The following DLGAP1 variants were observed in gnomAD, a reference collection of about 807,000 sequenced individuals.
DLGAP1 encodes DLG associated protein 1, also known as disks large-associated protein 1.
In DLGAP1, 11 loss-of-function variants were observed where a neutral mutation model predicts 90.8. That is an observed-to-expected ratio of 0.12 (90% CI 0.08 to 0.20). The LOEUF is 0.20. Ranked by LOEUF, DLGAP1 falls within the 10% of genes least tolerant of loss-of-function variation. The probability of loss-of-function intolerance (pLI) is 1.00; values close to 1 mark genes in which losing one functional copy is unlikely to be tolerated. For missense variants in DLGAP1, 1,050 were observed against 1,333.8 expected, an observed-to-expected ratio of 0.79 and a Z score of 3.31; for synonymous variants, 558 against 540.7, an observed-to-expected ratio of 1.03 and a Z score of -0.44.
chr18:3,963,734 G>T (rs2148989921), intron 3 of DLGAP1, among the ~76,000 whole-genome samples: 1 of 152,004 alleles, frequency 6.6e-6, no homozygotes, highest in East Asian at 1.9e-4. Flanking sequence ...CCTCACCAAG[G>T]CTGTAGGTGT....
intron 3 of DLGAP1, among the ~76,000 whole-genome samples, chr18:3,981,472 G>T (rs1026014373): frequency 6.6e-6 from 1 of 152,206 alleles, no homozygotes; most frequent in Non-Finnish European, 1.5e-5. Context: ...TGAGGTGAGG[G>T]AGTTAAAAGG....
chr18:4,172,748 G>T (rs72858761), intron 1 of DLGAP1, among the ~76,000 whole-genome samples: 1 of 152,182 alleles, frequency 6.6e-6, no homozygotes, highest in Non-Finnish European at 1.5e-5. Flanking sequence ...AAAATTAGAA[G>T]AAATATTCTT....
rs549143625 is a variant in DLGAP1, at chr18:3,703,591, C to T, written c.1591+25544G>A. Among the ~76,000 whole-genome samples the T allele has an allele frequency of 2.0e-3, 311 of 152,250 alleles. 1 individual carries two copies. Among genetic ancestry groups the T allele is most frequent in the South Asian group, 9.1e-3 (44 of 4,826 alleles). ...TGTCCACTTGTTTCTTTTTAGAAGACGGAGGGATATTTGAAAGTTCACTAG... is the reference window on the plus strand; with the variant it reads ...TGTCCACTTGTTTCTTTTTAGAAGATGGAGGGATATTTGAAAGTTCACTAG... On this transcript the variant is annotated intron_variant, in intron 7 of 12. Transcript: ENST00000315677.
chr18:3,582,713 G>T (rs2055594551), intron 7 of DLGAP1, among the ~76,000 whole-genome samples: 1 of 152,168 alleles, frequency 6.6e-6, no homozygotes, highest in South Asian at 2.1e-4. Flanking sequence ...GGAAGGCAAA[G>T]AGGTTGTGAG....
chr18:3,523,380 G>GA (rs536619595), intron 10 of DLGAP1, among the ~76,000 whole-genome samples: 50 of 131,906 alleles, frequency 3.8e-4, no homozygotes, highest in African/African-American at 6.0e-4. Context: ...CCATCTCAAA[G>GA]AAAAAAAAAA....
chr18:3,834,793 T>C (rs759638546), intron 4 of DLGAP1, among the ~76,000 whole-genome samples: 7 of 152,230 alleles, frequency 4.6e-5, no homozygotes, highest in African/African-American at 1.7e-4. Flanking sequence ...AATTAGCATA[T>C]GTAACTTTTA....
intron 3 of DLGAP1, among the ~76,000 whole-genome samples, chr18:3,890,650 T>G (rs541100969): frequency 6.6e-6 from 1 of 152,370 alleles, no homozygotes; most frequent in African/African-American, 2.4e-5. Flanking sequence ...CAGTCAACTT[T>G]CTGAAATATT....
chr18:3,969,277 A>T (rs2073394639), intron 3 of DLGAP1, among the ~76,000 whole-genome samples: 1 of 152,284 alleles, frequency 6.6e-6, no homozygotes, highest in Non-Finnish European at 1.5e-5. Flanking sequence ...GTCAATCAAC[A>T]CACCAATAAT....
intron 1 of DLGAP1, among the ~76,000 whole-genome samples, chr18:4,445,472 A>C: frequency 9.4e-6 from 1 of 106,476 alleles, no homozygotes; most frequent in Non-Finnish European, 1.8e-5. Flanking sequence ...CACAGTCCCC[A>C]GAGTATGATA....
At chr18:4,156,543 AT>A (rs1232066066) in intron 1 of DLGAP1, among the ~76,000 whole-genome samples, 7 of 152,128 alleles carry the variant, frequency 4.6e-5, no homozygotes, top group Admixed American at 6.6e-5. Context: ...CATACTTTAC[AT>A]TTTGGCAGTC....
chr18:3,734,268 TA>T (rs2062556463), intron 6 of DLGAP1, among the ~76,000 whole-genome samples: 1 of 152,050 alleles, frequency 6.6e-6, no homozygotes, highest in African/African-American at 2.4e-5. Flanking sequence ...TCTCTCTCTC[TA>T]AGAGATAGGG....
At chr18:3,507,736 G>GTTTTTT (rs386386884) in intron 11 of DLGAP1, among the ~76,000 whole-genome samples, 18 of 89,948 alleles carry the variant, frequency 2.0e-4, no homozygotes, top group South Asian at 4.5e-4. Context: ...ATTCTTGAAG[G>GTTTTTT]TTTTTTTTTT....
chr18:3,907,184 C>T (rs1333878291), intron 3 of DLGAP1, among the ~76,000 whole-genome samples: 6 of 152,086 alleles, frequency 3.9e-5, no homozygotes, highest in Non-Finnish European at 7.4e-5. Context: ...CCCCCCAAAT[C>T]GGGTGACTGC....
At position 4,378,243 on chromosome 18, in the gene DLGAP1, T is replaced by TA. The variant is rs1567873477; in HGVS notation, c.-267+76762dup. Reference sequence around the variant, plus strand: ...TGGAATGGGGAAGCCAGGAAAGAGGTAAGAATAAAAGTCTTCGCATTTTAC... The same window carrying TA: ...TGGAATGGGGAAGCCAGGAAAGAGGTAAAGAATAAAAGTCTTCGCATTTTAC... On this transcript the variant is annotated intron_variant, in intron 1 of 12. Coordinates refer to ENST00000315677, the MANE Select transcript of DLGAP1 (RefSeq NM_004746.4). The surrounding 1 kb of genome is among the most constrained non-coding windows in gnomAD (Gnocchi z 4.5). Among the ~76,000 whole-genome samples the TA allele has an allele frequency of 1.3e-5, 2 of 151,558 alleles. No homozygotes were observed. Among genetic ancestry groups the TA allele is most frequent in the Non-Finnish European group, 2.9e-5 (2 of 67,876 alleles).
At chr18:4,129,215 A>G (rs2076277142) in intron 2 of DLGAP1, among the ~76,000 whole-genome samples, 1 of 152,198 alleles carries the variant, frequency 6.6e-6, no homozygotes, top group Admixed American at 6.5e-5. Context: ...TAAATTCCAC[A>G]GAGAGAAAAA....
chr18:3,838,759 C>T (rs552678188), intron 4 of DLGAP1, among the ~76,000 whole-genome samples: 26 of 152,248 alleles, frequency 1.7e-4, no homozygotes, highest in African/African-American at 6.3e-4. Flanking sequence ...TTAAACATGA[C>T]ACATTTATCT....
intron 5 of DLGAP1, among the ~76,000 whole-genome samples, chr18:3,803,427 C>T (rs775526295): frequency 2.6e-5 from 4 of 152,218 alleles, no homozygotes; most frequent in South Asian, 2.1e-4. Context: ...GGCACTTGTA[C>T]CCACAGCAGT....
At chr18:4,394,657 T>C (rs566742266) in intron 1 of DLGAP1, among the ~76,000 whole-genome samples, 1 of 152,328 alleles carries the variant, frequency 6.6e-6, no homozygotes. Flanking sequence ...TGTTAAAATA[T>C]ATCTTCTTTG....
chr18:3,617,666 G>T (rs950129887), intron 7 of DLGAP1, among the ~76,000 whole-genome samples: 4 of 151,762 alleles, frequency 2.6e-5, no homozygotes, highest in Non-Finnish European at 5.9e-5. Context: ...GAAAAATGGT[G>T]TTGATAGACT....
Sources: gnomAD v4.1 joint callset for allele counts (sites outside exome capture counted in the v4.1 genomes callset) on GRCh38, gnomAD v4.1.1 for gene constraint, Gnocchi (gnomAD v3.1) non-coding constraint, MANE v1.5 for transcripts, NCBI Gene and HGNC (gene_info 2026-07-23, HGNC 2026-07-21) for gene names.